The following CTNND2 variants were observed in gnomAD, a reference collection of about 807,000 sequenced individuals.
CTNND2 encodes catenin delta 2, also known as catenin delta-2.
CTNND2 carries 22 observed loss-of-function variants against 144.4 expected under a neutral mutation model. The observed-to-expected ratio is 0.15, with a 90% confidence interval of 0.11 to 0.22. CTNND2 has a LOEUF of 0.22. Among genes scored for constraint, CTNND2 ranks in the 10% least tolerant of loss-of-function variants. CTNND2 has a pLI of 1.00. For missense variants in CTNND2, 1,353 were observed against 1,618.8 expected (o/e 0.84, Z 2.82); for synonymous variants, 751 against 695.6 (o/e 1.08, Z -1.25).
intron 15 of CTNND2, among the ~76,000 whole-genome samples, chr5:11,085,487 C>T (rs757994517): frequency 3.9e-5 from 6 of 152,168 alleles, no homozygotes; most frequent in Non-Finnish European, 8.8e-5. Context: ...AGGAAAGGAT[C>T]CCTTCCTGCA....
chr5:11,380,421 C>A (rs1459943427), intron 7 of CTNND2, among the ~76,000 whole-genome samples: 5 of 152,086 alleles, frequency 3.3e-5, no homozygotes, highest in African/African-American at 9.7e-5. Flanking sequence ...TATTTATGTG[C>A]AAAAGTATAT....
chr5:11,879,383 A>ATATATATATG (rs1202600709), intron 1 of CTNND2, among the ~76,000 whole-genome samples: 1 of 146,848 alleles, frequency 6.8e-6, no homozygotes, highest in Non-Finnish European at 1.5e-5. Context: ...ACAAACATAT[A>ATATATATATG]CATACATACA....
At chr5:11,483,652 T>C (rs992002371) in intron 3 of CTNND2, among the ~76,000 whole-genome samples, 1 of 152,254 alleles carries the variant, frequency 6.6e-6, no homozygotes, top group East Asian at 1.9e-4. Flanking sequence ...GCCTGCAGTC[T>C]TGTAAGCTCC....
chr5:11,297,305 T>C (rs1374802698), intron 9 of CTNND2, among the ~76,000 whole-genome samples: 1 of 152,214 alleles, frequency 6.6e-6, no homozygotes, highest in Admixed American at 6.5e-5. Context: ...CACAATTGTC[T>C]AAAAAGCTTT....
intron 1 of CTNND2, among the ~76,000 whole-genome samples, chr5:11,878,713 C>T (rs1459463383): frequency 6.6e-6 from 1 of 152,286 alleles, no homozygotes; most frequent in African/African-American, 2.4e-5. Flanking sequence ...GCTTCATGCA[C>T]GTTAGCAGTC....
At chr5:11,567,274 T>C (rs537662018) in intron 2 of CTNND2, among the ~76,000 whole-genome samples, 1 of 152,278 alleles carries the variant, frequency 6.6e-6, no homozygotes, top group East Asian at 1.9e-4. Flanking sequence ...CTTTTAAGAT[T>C]TTCTCTTTAC....
In CTNND2 at chr5:11,194,289, AG is replaced by A. The variant is rs565870921; in HGVS notation, c.1975+5158del. 1.5e-3 allele frequency among the ~76,000 whole-genome samples: 226 copies of A among 152,212 alleles called. 1 individual carries two copies. The highest frequency in any genetic ancestry group is 5.2e-3 in the African/African-American group (216 of 41,532). ...GCAGAAATGGGAAGACAAGCTAGAAAGGGGTGATTGAAAGGAAGTAGTCACC... is the reference window on the plus strand; with the variant it reads ...GCAGAAATGGGAAGACAAGCTAGAAAGGGTGATTGAAAGGAAGTAGTCACC... On this transcript the variant is annotated intron_variant, in intron 11 of 21. Coordinates refer to ENST00000304623, the MANE Select transcript of CTNND2 (RefSeq NM_001332.4).
At chr5:11,320,602 A>T (rs906216374) in intron 9 of CTNND2, among the ~76,000 whole-genome samples, 1 of 152,232 alleles carries the variant, frequency 6.6e-6, no homozygotes, top group African/African-American at 2.4e-5. Flanking sequence ...CCATGGTGGA[A>T]GGCAAGGAAG....
intron 2 of CTNND2, among the ~76,000 whole-genome samples, chr5:11,649,279 C>T (rs965956101): frequency 5.9e-5 from 9 of 152,162 alleles, no homozygotes; most frequent in African/African-American, 2.2e-4. Context: ...ATAACTGTAA[C>T]ATACCACTTT....
At chr5:11,227,886 A>G (rs1245809608) in intron 10 of CTNND2, among the ~76,000 whole-genome samples, 2 of 152,180 alleles carry the variant, frequency 1.3e-5, no homozygotes, top group African/African-American at 4.8e-5. Flanking sequence ...CTAAGTGGGT[A>G]TGCCTTAGGT....
intron 3 of CTNND2, among the ~76,000 whole-genome samples, chr5:11,438,750 T>A (rs1763993751): frequency 6.6e-6 from 1 of 152,194 alleles, no homozygotes; most frequent in Non-Finnish European, 1.5e-5. Flanking sequence ...ATTTAATCGG[T>A]ATCTAGAAAA....
intron 9 of CTNND2, among the ~76,000 whole-genome samples, chr5:11,303,857 T>C (rs548991196): frequency 1.3e-5 from 2 of 152,294 alleles, no homozygotes; most frequent in East Asian, 3.9e-4. Flanking sequence ...CTCCCATAAT[T>C]CCCACATGTT....
intron 18 of CTNND2, among the ~76,000 whole-genome samples, chr5:10,997,724 G>A (rs2149509012): frequency 6.6e-6 from 1 of 152,300 alleles, no homozygotes; most frequent in Middle Eastern, 3.4e-3. Flanking sequence ...GGTGTGCTTT[G>A]GGATTCCAAG....
At chr5:11,662,117 G>A (rs1057418367) in intron 2 of CTNND2, among the ~76,000 whole-genome samples, 5 of 141,614 alleles carry the variant, frequency 3.5e-5, no homozygotes, top group Non-Finnish European at 4.5e-5. Flanking sequence ...ATGTGTGTGT[G>A]TATATATATA....
Position 11,641,970 on chromosome 5 carries a change from T to C in CTNND2, c.175-76914A>G, listed in dbSNP as rs548893695. Among the ~76,000 whole-genome samples, 6 of 152,260 alleles carry C rather than the reference T, an allele frequency of 3.9e-5. No individual in the cohort carries two copies. The East Asian group carries it at 1.2e-3, about 29-fold the overall frequency. On this transcript the variant is annotated intron_variant, in intron 2 of 21. Transcript: ENST00000304623. Reference sequence around the variant, plus strand: ...TTCATTGATTCCATTCCCTTTTCTTTACGGTGCATAACAATTGCAGCTTTC... The same window carrying C: ...TTCATTGATTCCATTCCCTTTTCTTCACGGTGCATAACAATTGCAGCTTTC...
At chr5:11,674,749 C>T (rs901993928) in intron 2 of CTNND2, among the ~76,000 whole-genome samples, 4 of 132,372 alleles carry the variant, frequency 3.0e-5, no homozygotes, top group East Asian at 4.1e-4. Flanking sequence ...GGTTTTGAGA[C>T]AGAGTCTTCC....
At chr5:11,747,333 A>T (rs1372171541) in intron 1 of CTNND2, among the ~76,000 whole-genome samples, 2 of 151,358 alleles carry the variant, frequency 1.3e-5, no homozygotes, top group Non-Finnish European at 2.9e-5. Context: ...TGACTCTTCC[A>T]GAATAAAAGA....
At chr5:11,334,579 C>T (rs1256167644) in intron 9 of CTNND2, among the ~76,000 whole-genome samples, 2 of 152,176 alleles carry the variant, frequency 1.3e-5, no homozygotes, top group Non-Finnish European at 2.9e-5. Context: ...CGCCCTCTGC[C>T]GGCATCTCAC....
chr5:11,023,053 G>A (rs557121298), intron 16 of CTNND2, 74 bp from the exon 17 acceptor site: 2 of 1,372,712 alleles, frequency 1.5e-6, no homozygotes, highest in Non-Finnish European at 2.1e-6. Flanking sequence ...AGGTGGGTAT[G>A]GGGGAGAAGA....
Sources: gnomAD v4.1 joint callset for allele counts (sites outside exome capture counted in the v4.1 genomes callset) on GRCh38, gnomAD v4.1.1 for gene constraint, MANE v1.5 for transcripts, NCBI Gene and HGNC (gene_info 2026-07-23, HGNC 2026-07-21) for gene names.